Variants in SEMA6D observed in about 807,000 individuals in gnomAD.
SEMA6D encodes semaphorin-6D.
A neutral mutation model predicts 106.6 loss-of-function variants in SEMA6D; 35 were observed. The observed-to-expected ratio is 0.33, with a 90% CI of 0.25 to 0.44. The LOEUF (loss-of-function observed/expected upper bound fraction) is 0.44. SEMA6D is among the 20% of genes least tolerant of loss of function. SEMA6D has a pLI of 1.00. For synonymous variants in SEMA6D, 499 were observed against 487.7 expected, an observed-to-expected ratio of 1.02 and a Z score of -0.31; for missense variants, 1,185 against 1,345.9, an observed-to-expected ratio of 0.88 and a Z score of 1.87.
At chr15:47,187,735 C>T (rs1417329506) in intron 1 of SEMA6D, among the ~76,000 whole-genome samples, 1 of 151,952 alleles carries the variant, frequency 6.6e-6, no homozygotes, top group Non-Finnish European at 1.5e-5. Flanking sequence ...TTATTTTTCT[C>T]CTATGTCATA....
chr15:47,511,039 C>T (rs757056719), intron 3 of SEMA6D, among the ~76,000 whole-genome samples: 2 of 152,212 alleles, frequency 1.3e-5, no homozygotes, highest in Non-Finnish European at 2.9e-5. Flanking sequence ...GTGCCACCTT[C>T]TGAATGAATG....
At chr15:47,557,954 G>A (rs2045962889) in intron 3 of SEMA6D, among the ~76,000 whole-genome samples, 1 of 152,056 alleles carries the variant, frequency 6.6e-6, no homozygotes, top group South Asian at 2.1e-4. Context: ...TTCTGATGAA[G>A]CCTATAGTCT....
chr15:47,328,395 A>G (rs1395377741), intron 1 of SEMA6D, among the ~76,000 whole-genome samples: 1 of 152,172 alleles, frequency 6.6e-6, no homozygotes, highest in African/African-American at 2.4e-5. Flanking sequence ...CCCACCCAGG[A>G]GAAATAATTA....
chr15:47,706,009 ATGT>A (rs1258296957), intron 4 of SEMA6D, among the ~76,000 whole-genome samples: 7 of 152,138 alleles, frequency 4.6e-5, no homozygotes, highest in Non-Finnish European at 1.0e-4. Context: ...TGGGCAAAGG[ATGT>A]TGTATTTTTC....
chr15:47,508,689 G>A (rs749264990), intron 3 of SEMA6D, among the ~76,000 whole-genome samples: 1 of 152,232 alleles, frequency 6.6e-6, no homozygotes, highest in Non-Finnish European at 1.5e-5. Flanking sequence ...AAATGCAAGT[G>A]TAACCTCAGG....
rs2031369565 is a variant in SEMA6D, at chr15:47,223,268, C to T, written c.-239+38850C>T. Among the ~76,000 whole-genome samples the T allele has an allele frequency of 2.0e-5, 3 of 152,058 alleles. No individual in the cohort carries two copies. In the South Asian group the frequency reaches 6.2e-4, roughly 31 times the overall value. On this transcript the variant is annotated intron_variant, in intron 1 of 19. Transcript: ENST00000558014. ...TATCAATCTATGTTAATAATATATGCAATTTTAGGTATATGTTTTCAAAAG... is the reference window on the plus strand; with the variant it reads ...TATCAATCTATGTTAATAATATATGTAATTTTAGGTATATGTTTTCAAAAG...
At chr15:47,758,074 A>G (rs139677622) in intron 1 of SEMA6D, among the ~76,000 whole-genome samples, 1 of 152,336 alleles carries the variant, frequency 6.6e-6, no homozygotes, top group Non-Finnish European at 1.5e-5. Context: ...ATGCCAGCAC[A>G]GTTTCCATTC....
chr15:47,261,082 C>T (rs2034054258), intron 1 of SEMA6D, among the ~76,000 whole-genome samples: 1 of 152,110 alleles, frequency 6.6e-6, no homozygotes, highest in Admixed American at 6.6e-5. Context: ...TATAATTGTA[C>T]ACAGCAATGA....
chr15:47,229,058 A>C (rs1161321803), intron 1 of SEMA6D, among the ~76,000 whole-genome samples: 2 of 151,982 alleles, frequency 1.3e-5, no homozygotes, highest in Non-Finnish European at 2.9e-5. Context: ...AAGCTTACTT[A>C]TTGTCTTACT....
At chr15:47,716,689 C>G (rs935205060), upstream of SEMA6D, among the ~76,000 whole-genome samples, 5 of 151,802 alleles carry the variant, frequency 3.3e-5, no homozygotes, top group African/African-American at 1.2e-4. Flanking sequence ...TCATTTGTGA[C>G]AGTCAATTTT....
At position 47,580,132 on chromosome 15, in the gene SEMA6D, G is replaced by A. The variant is rs534936168; in HGVS notation, c.-86-20733G>A. On this transcript the variant is annotated intron_variant, in intron 3 of 19. Coordinates refer to the SEMA6D transcript ENST00000558014. ...TCTAATTCTGTTCTCTGAGTTAGTA[G>A]AGAATGATTAAATTTTAGGTCTGAG... Among the ~76,000 whole-genome samples the A allele has an allele frequency of 3.8e-3, 574 of 152,282 alleles. 3 individuals carry two copies. The highest frequency in any genetic ancestry group is 0.013 in the African/African-American group (561 of 41,562).
intron 3 of SEMA6D, among the ~76,000 whole-genome samples, chr15:47,479,767 C>G (rs935869075): frequency 1.3e-5 from 2 of 152,052 alleles, no homozygotes; most frequent in African/African-American, 4.8e-5. Context: ...TAACCTCTCC[C>G]CAAATGAAAG....
rs75614280 is a variant in SEMA6D, at chr15:47,658,654, T to C, written c.-55+57758T>C. On this transcript the variant is annotated intron_variant, in intron 4 of 19. Transcript: ENST00000558014. ...CCTCAACTAACATCTAAACATTCAG[T>C]CTGTCATTTTCTAGTGTCTGTTATG... Among the ~76,000 whole-genome samples the C allele has an allele frequency of 1.9e-3, 296 of 152,302 alleles. 5 individuals are homozygous for C. Among genetic ancestry groups the C allele is most frequent in the Admixed American group, 0.014 (208 of 15,302 alleles).
chr15:47,414,625 G>T (rs1472138513), intron 2 of SEMA6D, among the ~76,000 whole-genome samples: 1 of 152,142 alleles, frequency 6.6e-6, no homozygotes, highest in South Asian at 2.1e-4. Flanking sequence ...AAATCCAGTA[G>T]ACCATGCTAA....
At chr15:47,597,265 T>A (rs894336645) in intron 3 of SEMA6D, among the ~76,000 whole-genome samples, 1 of 152,100 alleles carries the variant, frequency 6.6e-6, no homozygotes, top group East Asian at 1.9e-4. Flanking sequence ...TGTACATTGC[T>A]GGTGGGAATG....
chr15:47,315,895 C>G (rs767789360), intron 1 of SEMA6D, among the ~76,000 whole-genome samples: 6 of 151,920 alleles, frequency 3.9e-5, no homozygotes, highest in Non-Finnish European at 7.4e-5. Flanking sequence ...ACATTCATTG[C>G]TGATATATAG....
chr15:47,649,654 A>C (rs961884280), intron 4 of SEMA6D, among the ~76,000 whole-genome samples: 2 of 152,184 alleles, frequency 1.3e-5, no homozygotes, highest in Non-Finnish European at 2.9e-5. Context: ...CCCTGTCTAG[A>C]AAGAGAGGGG....
intron 3 of SEMA6D, among the ~76,000 whole-genome samples, chr15:47,555,494 G>GTTACT (rs1208395865): frequency 4.6e-5 from 7 of 152,156 alleles, no homozygotes; most frequent in African/African-American, 1.7e-4. Context: ...TAGTAAGCAA[G>GTTACT]TAATATGAAC....
intron 1 of SEMA6D, among the ~76,000 whole-genome samples, chr15:47,194,604 T>C (rs1471432459): frequency 6.6e-6 from 1 of 152,196 alleles, no homozygotes; most frequent in Non-Finnish European, 1.5e-5. Context: ...GAATGTTCAG[T>C]AGGGCCTTGC....
Sources: allele counts gnomAD v4.1 joint callset (sites outside exome capture counted in the v4.1 genomes callset), GRCh38; gene constraint gnomAD v4.1.1; transcripts MANE v1.5; gene names NCBI Gene and HGNC (gene_info 2026-07-23, HGNC 2026-07-21).